The following ZDHHC14 variants were observed in gnomAD, a reference collection of about 807,000 sequenced individuals.
ZDHHC14 encodes the protein palmitoyltransferase ZDHHC14.
A neutral mutation model predicts 47.7 loss-of-function variants in ZDHHC14; 16 were observed. That is an observed-to-expected ratio of 0.34 (90% confidence interval 0.23 to 0.51). The LOEUF is 0.51. Ranked by LOEUF, ZDHHC14 falls within the 20% of genes least tolerant of loss-of-function variation. The pLI, the probability that ZDHHC14 is intolerant of heterozygous loss-of-function variation, is 0.97. For synonymous variants in ZDHHC14, 293 were observed against 278.9 expected, an observed-to-expected ratio of 1.05 and a Z score of -0.50; for missense variants, 515 against 662.5, an observed-to-expected ratio of 0.78 and a Z score of 2.44.
intron 2 of ZDHHC14, among the ~76,000 whole-genome samples, chr6:157,555,607 A>T (rs34891950): frequency 6.6e-6 from 1 of 152,134 alleles, no homozygotes; most frequent in African/African-American, 2.4e-5. Context: ...AAAGAATTCC[A>T]GCTGGAGGGC....
At chr6:157,567,784 G>A (rs28731047) in intron 2 of ZDHHC14, among the ~76,000 whole-genome samples, 23,194 of 148,898 alleles carry the variant, frequency 0.16, 2,023 homozygotes, top group Middle Eastern at 0.24. Context: ...GCACTCCAGC[G>A]TGGGTGACAG....
chr6:157,592,966 C>T, intron 2 of ZDHHC14, 22 bp from the exon 3 acceptor site: 2 of 1,602,966 alleles, frequency 1.2e-6, no homozygotes, highest in Non-Finnish European at 1.7e-6. Flanking sequence ...GGTGTGCGCT[C>T]TTTCTCTTCT....
chr6:157,571,138 A>G (rs1437660414), intron 2 of ZDHHC14, among the ~76,000 whole-genome samples: 1 of 152,236 alleles, frequency 6.6e-6, no homozygotes, highest in Admixed American at 6.5e-5. Flanking sequence ...ATTTTTGAAC[A>G]TTGATGTTTG....
chr6:157,660,280 C>T (rs998175193), intron 8 of ZDHHC14, among the ~76,000 whole-genome samples: 3 of 151,804 alleles, frequency 2.0e-5, no homozygotes, highest in Non-Finnish European at 2.9e-5. Flanking sequence ...GCAACCTCCA[C>T]CTCCCGAGTT....
chr6:157,636,192 G>A (rs1047134626), intron 5 of ZDHHC14, among the ~76,000 whole-genome samples: 7 of 114,314 alleles, frequency 6.1e-5, no homozygotes, highest in African/African-American at 2.3e-4. Flanking sequence ...GTCACTTGAT[G>A]GATTTAAACA....
At chr6:157,672,622 GCACCCCACC>G in intron 8 of ZDHHC14, 93 bp from the exon 9 acceptor site, 2 of 436,548 alleles carry the variant, frequency 4.6e-6, no homozygotes, top group Admixed American at 4.2e-5. Flanking sequence ...CTCTCTTCTC[GCACCCCACC>G]CTCCCCGCCC....
intron 2 of ZDHHC14, among the ~76,000 whole-genome samples, chr6:157,545,586 G>A (rs1466282427): frequency 6.6e-6 from 1 of 152,046 alleles, no homozygotes; most frequent in Non-Finnish European, 1.5e-5. Flanking sequence ...GCTGAGGCAG[G>A]AGAATGGCAT....
At chr6:157,545,916 A>G (rs142752632) in intron 2 of ZDHHC14, among the ~76,000 whole-genome samples, 249 of 152,320 alleles carry the variant, frequency 1.6e-3, no homozygotes, top group African/African-American at 5.6e-3. Flanking sequence ...GGTTCTTTTC[A>G]GGATTAGCAA....
intron 1 of ZDHHC14, among the ~76,000 whole-genome samples, chr6:157,397,287 A>G (rs905346363): frequency 6.6e-6 from 1 of 152,202 alleles, no homozygotes; most frequent in Non-Finnish European, 1.5e-5. Flanking sequence ...ATGAATTGTT[A>G]CAAACGGAGT....
intron 1 of ZDHHC14, among the ~76,000 whole-genome samples, chr6:157,405,122 A>G (rs2114751109): frequency 6.6e-6 from 1 of 152,272 alleles, no homozygotes; most frequent in South Asian, 2.1e-4. Flanking sequence ...TATTCTAAGT[A>G]GCTCAGGAAT....
intron 1 of ZDHHC14, among the ~76,000 whole-genome samples, chr6:157,494,549 C>G (rs1216391812): frequency 2.0e-5 from 3 of 152,194 alleles, no homozygotes; most frequent in Admixed American, 1.3e-4. Flanking sequence ...TCTGGAAGCT[C>G]TTTCCAAATT....
intron 1 of ZDHHC14, among the ~76,000 whole-genome samples, chr6:157,521,600 T>C (rs1229618012): frequency 6.6e-6 from 1 of 152,228 alleles, no homozygotes; most frequent in East Asian, 1.9e-4. Context: ...GGGCCTCTTT[T>C]ACAAGGGCCT....
chr6:157,449,205 C>T (rs1778747215), intron 1 of ZDHHC14, among the ~76,000 whole-genome samples: 1 of 152,094 alleles, frequency 6.6e-6, no homozygotes, highest in Non-Finnish European at 1.5e-5. Context: ...AATGAGATGG[C>T]CAGTAGGAAA....
chr6:157,526,684 A>G (rs974879402), intron 1 of ZDHHC14, among the ~76,000 whole-genome samples: 1 of 152,098 alleles, frequency 6.6e-6, no homozygotes, highest in Non-Finnish European at 1.5e-5. Flanking sequence ...GCTTCCCTAC[A>G]TGGCCCTACG....
intron 8 of ZDHHC14, among the ~76,000 whole-genome samples, chr6:157,667,029 C>A (rs144029677): frequency 3.9e-4 from 60 of 152,334 alleles, no homozygotes; most frequent in African/African-American, 1.4e-3. Flanking sequence ...GACACTCTTA[C>A]AAGAAATCAA....
chr6:157,520,626 T>C (rs1780878522), intron 1 of ZDHHC14, among the ~76,000 whole-genome samples: 1 of 152,254 alleles, frequency 6.6e-6, no homozygotes, highest in Non-Finnish European at 1.5e-5. Context: ...TTTCCAGCAC[T>C]AGCCCTAGCA....
At chr6:157,490,683 T>A (rs1294746103) in intron 1 of ZDHHC14, among the ~76,000 whole-genome samples, 2 of 152,140 alleles carry the variant, frequency 1.3e-5, no homozygotes, top group Admixed American at 6.5e-5. Flanking sequence ...GAAGGAAGTG[T>A]CATTATTGCC....
chr6:157,568,465 A>T (rs1202183520), intron 2 of ZDHHC14, among the ~76,000 whole-genome samples: 1 of 151,464 alleles, frequency 6.6e-6, no homozygotes, highest in Non-Finnish European at 1.5e-5. Flanking sequence ...AATATACTTG[A>T]ACCTTTCTTC....
chr6:157,396,911 T>G (rs1159615886), intron 1 of ZDHHC14, among the ~76,000 whole-genome samples: 1 of 152,236 alleles, frequency 6.6e-6, no homozygotes, highest in Non-Finnish European at 1.5e-5. Context: ...GCTGGGAAAC[T>G]ACTAACATTC....
Sources: allele counts gnomAD v4.1 joint callset (sites outside exome capture counted in the v4.1 genomes callset), GRCh38; gene constraint gnomAD v4.1.1; transcripts MANE v1.5; gene names NCBI Gene and HGNC (gene_info 2026-07-23, HGNC 2026-07-21).